The following DAAM1 variants were observed in gnomAD, a reference collection of about 807,000 sequenced individuals.
DAAM1 encodes disheveled-associated activator of morphogenesis 1.
A neutral mutation model predicts 130.0 loss-of-function variants in DAAM1; 52 were observed. The ratio of observed to expected loss-of-function variants is 0.40; its 90% confidence interval spans 0.32 to 0.50. The LOEUF (loss-of-function observed/expected upper bound fraction) is 0.50, where lower values mean the gene tolerates loss of function less well. Ranked by LOEUF, DAAM1 falls within the 20% of genes least tolerant of loss-of-function variation. The pLI is 0.61. For missense variants in DAAM1, 1,134 were observed against 1,303.8 expected (o/e 0.87, Z 2.01); for synonymous variants, 452 against 444.5 (o/e 1.02, Z -0.21).
intron 17 of DAAM1, among the ~76,000 whole-genome samples, chr14:59,352,094 G>A (rs1385308719): frequency 4.6e-5 from 7 of 152,168 alleles, no homozygotes; most frequent in African/African-American, 1.7e-4. Flanking sequence ...AACAGAAAAA[G>A]GCACAGAGCT....
intron 15 of DAAM1, 31 bp from the exon 16 acceptor site, chr14:59,340,043 C>G: frequency 6.3e-7 from 1 of 1,598,820 alleles, no homozygotes; most frequent in Non-Finnish European, 8.6e-7. Context: ...CCCTGTTGGA[C>G]TTTGATGGAT....
At chr14:59,210,318 AT>A (rs1466641013) in intron 1 of DAAM1, among the ~76,000 whole-genome samples, 1 of 152,186 alleles carries the variant, frequency 6.6e-6, no homozygotes, top group African/African-American at 2.4e-5. Flanking sequence ...ATCACATGGT[AT>A]TTTTGCATTT....
chr14:59,327,302 C>T (rs1885240654), intron 12 of DAAM1, among the ~76,000 whole-genome samples: 2 of 151,996 alleles, frequency 1.3e-5, no homozygotes, highest in African/African-American at 2.4e-5. Context: ...TTCCCCTACT[C>T]CGTCATGGCT....
chr14:59,332,674 A>G (rs1885488980), intron 15 of DAAM1, among the ~76,000 whole-genome samples: 1 of 152,208 alleles, frequency 6.6e-6, no homozygotes, highest in African/African-American at 2.4e-5. Flanking sequence ...GTTAGACCAG[A>G]AGAGAACACA....
chr14:59,365,469 T>C (rs1886878940), intron 23 of DAAM1, among the ~76,000 whole-genome samples: 2 of 101,194 alleles, frequency 2.0e-5, no homozygotes, highest in South Asian at 3.5e-4. Flanking sequence ...TCTTTTCTAA[T>C]AGAATATTTC....
chr14:59,323,329 TGTG>T (rs1885091841), intron 6 of DAAM1, 104 bp downstream of exon 6: 3 of 1,216,496 alleles, frequency 2.5e-6, no homozygotes, highest in South Asian at 1.6e-5. Context: ...GATGTCCTCT[TGTG>T]GTGATTACTC....
intron 3 of DAAM1, among the ~76,000 whole-genome samples, chr14:59,291,674 C>G (rs1883745886): frequency 6.6e-6 from 1 of 152,162 alleles, no homozygotes; most frequent in Admixed American, 6.5e-5. Flanking sequence ...TGACAACTTT[C>G]CATTTCATCA....
intron 1 of DAAM1, among the ~76,000 whole-genome samples, chr14:59,191,228 TA>T (rs1478161865): frequency 6.6e-6 from 1 of 152,202 alleles, no homozygotes; most frequent in Admixed American, 6.5e-5. Flanking sequence ...GATCTTATTT[TA>T]AGTAGGTAGC....
At chr14:59,199,893 A>T (rs917320562) in intron 1 of DAAM1, among the ~76,000 whole-genome samples, 1 of 152,224 alleles carries the variant, frequency 6.6e-6, no homozygotes, top group Non-Finnish European at 1.5e-5. Context: ...GTCTCCAGAC[A>T]TTGCCAAATG....
intron 1 of DAAM1, among the ~76,000 whole-genome samples, chr14:59,231,674 C>T (rs1889111370): frequency 6.6e-6 from 1 of 152,044 alleles, no homozygotes; most frequent in Admixed American, 6.6e-5. Flanking sequence ...TATAACATGC[C>T]AGTAATAAAA....
intron 3 of DAAM1, among the ~76,000 whole-genome samples, chr14:59,297,024 G>A (rs1330341668): frequency 6.6e-6 from 1 of 152,202 alleles, no homozygotes; most frequent in Non-Finnish European, 1.5e-5. Flanking sequence ...ATATGCTCCA[G>A]TGAAACTGTA....
chr14:59,359,606 C>G, intron 21 of DAAM1, 102 bp downstream of exon 21: 1 of 770,794 alleles, frequency 1.3e-6, no homozygotes, highest in African/African-American at 1.7e-5. Flanking sequence ...TATTTGTTTT[C>G]CCCTGATCAT....
intron 3 of DAAM1, among the ~76,000 whole-genome samples, chr14:59,313,801 G>A (rs1467545965): frequency 1.3e-5 from 2 of 152,152 alleles, no homozygotes; most frequent in African/African-American, 2.4e-5. Context: ...GTATAACCAA[G>A]GCCTGTTTTT....
rs1010233309 is a variant in DAAM1, at chr14:59,352,767, C to T, written c.2267+135C>T. On this transcript the variant is annotated intron_variant, in intron 18 of 24. Transcript: ENST00000360909. ...AGCTTTTTCATTCTAAAAATCTTCT[C>T]AAGTCTGAGTGATGTGGAATTTGTT... The T allele has an allele frequency of 3.2e-5, 24 of 749,810 alleles. 1 individual carries two copies. In the South Asian group the frequency reaches 4.0e-4, roughly 13 times the overall value. The allele number at this position is 749,810 out of a possible 1,614,324, so 46.4% of individuals were successfully genotyped here.
chr14:59,364,948 C>T (rs936108139), intron 23 of DAAM1, among the ~76,000 whole-genome samples: 4 of 152,286 alleles, frequency 2.6e-5, no homozygotes, highest in African/African-American at 9.6e-5. Flanking sequence ...TTATGTATGC[C>T]TCACCACTTT....
chr14:59,331,785 A>C (rs1885451336), intron 14 of DAAM1, 28 bp from the exon 15 acceptor site: 2 of 1,601,136 alleles, frequency 1.2e-6, no homozygotes, highest in Non-Finnish European at 1.7e-6. Flanking sequence ...ACTGTAAACT[A>C]TAGCACTTAT....
At chr14:59,254,620 T>C (rs1881789082) in intron 1 of DAAM1, among the ~76,000 whole-genome samples, 1 of 152,140 alleles carries the variant, frequency 6.6e-6, no homozygotes, top group Non-Finnish European at 1.5e-5. Context: ...TGTCTTCGGG[T>C]GCTCCAAGGA....
At position 59,323,084 on chromosome 14, in the gene DAAM1, T is replaced by A; in HGVS notation, c.633T>A (p.Ser211Arg). The change falls in exon 6 of 25, where the codon AGT (serine) becomes AGA (arginine). Residue 211 changes from serine (S) to arginine (R), a missense_variant. This residue lies in a region of DAAM1 where 391 missense variants were observed against 521.6 expected (regional missense o/e 0.75). Coordinates refer to ENST00000360909, the MANE Select transcript of DAAM1 (RefSeq NM_001270520.2). ...AGAGTATTAATGTAATTGCTCAGAGTCTGAGCACAGAGAACATTAAAACGA... is the reference window on the plus strand; with the variant it reads ...AGAGTATTAATGTAATTGCTCAGAGACTGAGCACAGAGAACATTAAAACGA... Reference protein sequence around the residue: ...HSESINVIAQSLSTENIKTKV... With the variant: ...HSESINVIAQRLSTENIKTKV... 3 of 1,613,620 alleles carry A rather than the reference T, an allele frequency of 1.9e-6. No individual in the cohort carries two copies. The highest frequency in any genetic ancestry group is 2.5e-6 in the Non-Finnish European group (3 of 1,179,818).
At chr14:59,352,732 T>G (rs766912953) in intron 18 of DAAM1, 100 bp downstream of exon 18, 1 of 1,019,464 alleles carries the variant, frequency 9.8e-7, no homozygotes, top group Non-Finnish European at 1.4e-6. Flanking sequence ...TTAACCTGGC[T>G]TAACTTGAAA....
Sources: gnomAD v4.1 joint callset for allele counts (sites outside exome capture counted in the v4.1 genomes callset) on GRCh38, gnomAD v4.1.1 for gene constraint, gnomAD v4.1.1 regional missense constraint, MANE v1.5 for transcripts, NCBI Gene and HGNC (gene_info 2026-07-23, HGNC 2026-07-21) for gene names.